Variants in LRCH2 observed in about 807,000 individuals in gnomAD.
LRCH2 encodes the protein leucine-rich repeat and calponin homology domain-containing protein 2.
A neutral mutation model predicts 68.9 loss-of-function variants in LRCH2; 38 were observed. The ratio of observed to expected loss-of-function variants is 0.55; its 90% CI spans 0.43 to 0.72. The LOEUF (loss-of-function observed/expected upper bound fraction) is 0.72. LRCH2 is among the 30% of genes least tolerant of loss of function. The probability of loss-of-function intolerance (pLI) is 0.00; values close to 1 mark genes in which losing one functional copy is unlikely to be tolerated. For synonymous variants in LRCH2, 191 were observed against 208.1 expected, an observed-to-expected ratio of 0.92 and a Z score of 0.71; for missense variants, 528 against 572.9, an observed-to-expected ratio of 0.92 and a Z score of 0.80.
intron 14 of LRCH2, among the ~76,000 whole-genome samples, chrX:115,144,201 T>G: frequency 8.9e-6 from 1 of 112,020 alleles, no homozygotes; most frequent in Middle Eastern, 4.6e-3. Context: ...ACCATGATTG[T>G]GAGGCCTCCT....
At chrX:115,221,190 AAAAAAAAAAAAAAAAAAAAAATATAT>A (rs1205067919) in intron 1 of LRCH2, among the ~76,000 whole-genome samples, 39 of 67,826 alleles carry the variant, frequency 5.8e-4, no homozygotes, top group African/African-American at 2.2e-3. Context: ...AAAAAAAAAA[AAAAAAAAAAAAAAAAAAAAAATATAT>A]ATATATATAT....
At chrX:115,192,246 C>T (rs1569516090) in intron 1 of LRCH2, 1 of 1,165,630 alleles carries the variant, frequency 8.6e-7, no homozygotes. Flanking sequence ...GTTCCAACAA[C>T]AGTCATGGCC....
intron 6 of LRCH2, 66 bp downstream of exon 6, chrX:115,170,233 A>G (rs2147393975): frequency 2.0e-6 from 2 of 1,020,101 alleles, no homozygotes; most frequent in African/African-American, 1.9e-5. Context: ...CTCAAGATTA[A>G]TAAGTATATT....
At chrX:115,191,753 A>G (rs868933701) in intron 1 of LRCH2, 7 of 1,162,443 alleles carry the variant, frequency 6.0e-6, no homozygotes, top group Non-Finnish European at 8.0e-6. Flanking sequence ...AGCCGGAGCC[A>G]CCGCTACGGA....
intron 1 of LRCH2, among the ~76,000 whole-genome samples, chrX:115,193,578 C>T (rs1232548253): frequency 8.9e-6 from 1 of 112,003 alleles, no homozygotes; most frequent in African/African-American, 3.2e-5. Context: ...ATCGTTATAA[C>T]CATTACTCCT....
rs1263195134 is a variant in LRCH2, at chrX:115,178,227, T to C, written c.864+1200A>G. ...GCAAGTAAGGAATGGTCTGTGGCTG[T>C]GGGGCTGAGGGCAAGAATCTGAGGG... On this transcript the variant is annotated intron_variant, in intron 5 of 20. Transcript: ENST00000317135. Among the ~76,000 whole-genome samples the C allele has an allele frequency of 9.8e-5, 11 of 111,940 alleles. No individual in the cohort carries two copies. In the East Asian group the frequency reaches 3.1e-3, roughly 32 times the overall value.
In LRCH2 at chrX:115,190,088, T is replaced by C. The variant is rs782684085; in HGVS notation, c.350-1718A>G. Reference sequence around the variant, plus strand: ...GTGCCCCGGTCAAGCCTGGCTCGCATTGGCGGCAGTGGAATGCCTGGGAAG... The same window carrying C: ...GTGCCCCGGTCAAGCCTGGCTCGCACTGGCGGCAGTGGAATGCCTGGGAAG... On this transcript the variant is annotated intron_variant, in intron 1 of 20. Coordinates refer to ENST00000317135, the MANE Select transcript of LRCH2 (RefSeq NM_020871.4). The C allele has an allele frequency of 1.5e-4, 176 of 1,153,276 alleles. No homozygotes were observed. The highest frequency in any genetic ancestry group is 1.4e-3 in the African/African-American group (77 of 55,958).
At chrX:115,200,434 TAAAA>T (rs1360842443) in intron 1 of LRCH2, among the ~76,000 whole-genome samples, 23 of 108,933 alleles carry the variant, frequency 2.1e-4, no homozygotes, top group Admixed American at 9.8e-5. Flanking sequence ...CAATGAGAAA[TAAAA>T]AAGGAAATAT....
At chrX:115,216,302 G>A (rs1556571561) in intron 1 of LRCH2, among the ~76,000 whole-genome samples, 1 of 111,816 alleles carries the variant, frequency 8.9e-6, no homozygotes, top group South Asian at 3.7e-4. Context: ...GCAAGATGAT[G>A]AGTGTTGGGA....
At chrX:115,183,072 A>G (rs1237720455) in intron 3 of LRCH2, among the ~76,000 whole-genome samples, 2 of 108,417 alleles carry the variant, frequency 1.8e-5, no homozygotes, top group East Asian at 5.7e-4. Flanking sequence ...ACGCACACGC[A>G]CACACACACA....
At chrX:115,192,580 G>A (rs1556561529) in intron 1 of LRCH2, 1 of 1,169,779 alleles carries the variant, frequency 8.5e-7, no homozygotes, top group African/African-American at 1.8e-5. Flanking sequence ...AGGCTGCAGG[G>A]TGCCCAGGGG....
chrX:115,171,008 T>C (rs887612937), intron 5 of LRCH2, among the ~76,000 whole-genome samples: 10 of 111,351 alleles, frequency 9.0e-5, no homozygotes, highest in Non-Finnish European at 1.9e-4. Flanking sequence ...TCGTTGGCCA[T>C]AGAGAAAATG....
At chrX:115,185,511 A>C (rs180672308) in intron 2 of LRCH2, among the ~76,000 whole-genome samples, 9 of 111,838 alleles carry the variant, frequency 8.0e-5, no homozygotes, top group Non-Finnish European at 1.3e-4. Flanking sequence ...ACTAACAAGC[A>C]CTGGTAAGCG....
At chrX:115,219,446 A>AT (rs2073064186) in intron 1 of LRCH2, among the ~76,000 whole-genome samples, 1 of 111,435 alleles carries the variant, frequency 9.0e-6, no homozygotes, top group African/African-American at 3.3e-5. Context: ...ATTTGTTTAC[A>AT]TTAAGTGGTC....
At chrX:115,122,035 C>G (rs1302467541) in intron 20 of LRCH2, among the ~76,000 whole-genome samples, 3 of 111,063 alleles carry the variant, frequency 2.7e-5, no homozygotes, top group African/African-American at 9.8e-5. Context: ...AAACATAAGA[C>G]AATTCCTAAA....
chrX:115,180,989 G>T (rs1254510769), intron 3 of LRCH2, among the ~76,000 whole-genome samples: 4 of 111,462 alleles, frequency 3.6e-5, no homozygotes, highest in Admixed American at 2.9e-4. Context: ...TAGGAAAATG[G>T]CTATGCTCGC....
At chrX:115,139,582 C>G (rs1376811735) in intron 14 of LRCH2, among the ~76,000 whole-genome samples, 1 of 111,424 alleles carries the variant, frequency 9.0e-6, no homozygotes, top group African/African-American at 3.3e-5. Context: ...GAGTTTGAGA[C>G]CAGCCTAGAC....
At chrX:115,214,945 A>G (rs2073031946) in intron 1 of LRCH2, among the ~76,000 whole-genome samples, 1 of 112,399 alleles carries the variant, frequency 8.9e-6, no homozygotes, top group Non-Finnish European at 1.9e-5. Flanking sequence ...TGACTAATGA[A>G]TCACTGTAAC....
intron 6 of LRCH2, among the ~76,000 whole-genome samples, chrX:115,167,191 TAAAAA>T (rs58298502): frequency 1.1e-3 from 9 of 8,393 alleles, no homozygotes; most frequent in African/African-American, 3.3e-3. Flanking sequence ...AGTTTCATGC[TAAAAA>T]AAAAAAAAAA....
Sources: gnomAD v4.1 joint callset for allele counts (sites outside exome capture counted in the v4.1 genomes callset) on GRCh38, gnomAD v4.1.1 for gene constraint, MANE v1.5 for transcripts, NCBI Gene and HGNC (gene_info 2026-07-23, HGNC 2026-07-21) for gene names.